DMD: variants seen among roughly 807,000 people sequenced by gnomAD.
DMD encodes mutant dystrophin.
Under a neutral mutation model 330.1 loss-of-function variants are expected in DMD, and 63 were observed. The observed-to-expected ratio is 0.19, with a 90% CI of 0.16 to 0.24. DMD has a LOEUF of 0.24. Among genes scored for constraint, DMD ranks in the 10% least tolerant of loss-of-function variants. The probability of loss-of-function intolerance (pLI) is 1.00; values close to 1 mark genes in which losing one functional copy is unlikely to be tolerated. For synonymous variants in DMD, 1,223 were observed against 959.8 expected, an observed-to-expected ratio of 1.27 and a Z score of -5.07; for missense variants, 3,344 against 2,684.1, an observed-to-expected ratio of 1.25 and a Z score of -5.43.
chrX:32,591,133 A>G (rs2054865535), intron 13 of DMD, among the ~76,000 whole-genome samples: 1 of 111,867 alleles, frequency 8.9e-6, no homozygotes, highest in Non-Finnish European at 1.9e-5. Context: ...TGCTGGGATT[A>G]CAGGTGTGAG....
rs72466597 is a variant in DMD at position 31,931,896 on chromosome X, A to G, written c.6762+184T>C. On this transcript the variant is annotated intron_variant, in intron 46 of 78. Coordinates refer to ENST00000357033, the MANE Select transcript of DMD (RefSeq NM_004006.3). ...TAAATACACACACACACATATATAC[A>G]TATGTTCTTATGTGCACTGGTTCAG... Among the ~76,000 whole-genome samples the G allele has an allele frequency of 0.043, 4,747 of 111,167 alleles. 234 individuals carry two copies. Among genetic ancestry groups the G allele is most frequent in the African/African-American group, 0.14 (4,276 of 30,480 alleles).
chrX:32,666,938 A>T (rs61133134), intron 9 of DMD, among the ~76,000 whole-genome samples: 15,416 of 110,675 alleles, frequency 0.14, 1,470 homozygotes, highest in African/African-American at 0.34. Flanking sequence ...ACAAAGGAAA[A>T]AATAACACAA....
At chrX:32,494,254 T>C (rs1181162738) in intron 19 of DMD, among the ~76,000 whole-genome samples, 1 of 111,452 alleles carries the variant, frequency 9.0e-6, no homozygotes, top group Non-Finnish European at 1.9e-5. Flanking sequence ...ATTTAAATGG[T>C]GAAGAAAAGT....
At chrX:31,612,618 G>A (rs187299109) in intron 55 of DMD, among the ~76,000 whole-genome samples, 1 of 111,838 alleles carries the variant, frequency 8.9e-6, no homozygotes, top group Admixed American at 9.5e-5. Context: ...GCTCAGATTA[G>A]TAGGGCTATG....
chrX:31,860,025 T>C (rs190406656), intron 48 of DMD, among the ~76,000 whole-genome samples: 89 of 111,363 alleles, frequency 8.0e-4, no homozygotes, highest in Non-Finnish European at 1.1e-3. Context: ...ATTGGAAGTG[T>C]TCCCATTTTT....
chrX:31,679,421 C>T lies in DMD; in HGVS notation c.7826G>A (p.Gly2609Asp), dbSNP rs1060502649. Residue 2609 changes from glycine to aspartate, a missense_variant, in exon 53 of 79, where the codon GGT becomes GAT. Gly to Asp is a moderately conservative substitution (Grantham distance 94). Coordinates refer to ENST00000357033, the MANE Select transcript of DMD (RefSeq NM_004006.3). ...ARAKLESWKE[G>D]PYTVDAIQKK... ...TTGGATTGCATCTACTGTATAGGGA[C>T]CCTCCTTCCATGACTCAAGCTTGGC... 1.7e-6 allele frequency: 2 copies of T among 1,210,786 alleles called. No individual in the cohort carries two copies. The highest frequency in any genetic ancestry group is 2.2e-6 in the Non-Finnish European group (2 of 895,094).
At chrX:32,728,895 G>C (rs867908348) in intron 7 of DMD, among the ~76,000 whole-genome samples, 6 of 111,435 alleles carry the variant, frequency 5.4e-5, no homozygotes, top group African/African-American at 2.0e-4. Flanking sequence ...TTTCCATCTT[G>C]CCATGCCAAA....
intron 61 of DMD, among the ~76,000 whole-genome samples, chrX:31,327,851 G>A (rs940916386): frequency 3.6e-5 from 4 of 112,185 alleles, no homozygotes; most frequent in African/African-American, 6.5e-5. Context: ...CTGTATCAAC[G>A]ATTTGTTTCT....
intron 9 of DMD, among the ~76,000 whole-genome samples, chrX:32,696,824 A>T (rs1231145783): frequency 9.0e-6 from 1 of 111,386 alleles, no homozygotes; most frequent in Non-Finnish European, 1.9e-5. Flanking sequence ...GAGAGTCAAG[A>T]GGTCCAGAAT....
intron 2 of DMD, among the ~76,000 whole-genome samples, chrX:32,870,971 A>AG (rs2082918863): frequency 2.8e-5 from 2 of 71,899 alleles, no homozygotes; most frequent in Non-Finnish European, 2.7e-5. Context: ...AAAAAAAAAA[A>AG]AAAAAAAAAA....
chrX:31,748,065 G>T (rs1277019492), intron 51 of DMD, among the ~76,000 whole-genome samples: 1 of 111,507 alleles, frequency 9.0e-6, no homozygotes, highest in African/African-American at 3.3e-5. Context: ...CAACACTATT[G>T]GGTGGTTCCA....
At position 31,332,761 on chromosome X, in the gene DMD, G is replaced by T. The variant is rs981508715; in HGVS notation, c.9164-9103C>A. Among the ~76,000 whole-genome samples the T allele has an allele frequency of 2.7e-5, 3 of 112,139 alleles. No individual in the cohort carries two copies. The South Asian group carries it at 1.1e-3, about 42-fold the overall frequency. On this transcript the variant is annotated intron_variant, in intron 61 of 78. Coordinates refer to ENST00000357033, the MANE Select transcript of DMD (RefSeq NM_004006.3). ...AAAGGTTGGTGTGAGGATTAAACGGGTTAATCTATGCAAAATGCTTCCTCT... is the reference window on the plus strand; with the variant it reads ...AAAGGTTGGTGTGAGGATTAAACGGTTTAATCTATGCAAAATGCTTCCTCT...
chrX:31,504,848 T>C (rs2070770015), intron 56 of DMD, among the ~76,000 whole-genome samples: 1 of 112,200 alleles, frequency 8.9e-6, no homozygotes, highest in East Asian at 2.8e-4. Context: ...CATAGGCCTA[T>C]ATAAAAGCCA....
At chrX:31,244,247 C>T (rs10521965) in intron 63 of DMD, among the ~76,000 whole-genome samples, 37,335 of 110,916 alleles carry the variant, frequency 0.34, 4,666 homozygotes, top group Non-Finnish European at 0.37. Flanking sequence ...CACCTTGACA[C>T]CATACATATT....
At chrX:32,683,061 C>A (rs2062553712) in intron 9 of DMD, among the ~76,000 whole-genome samples, 1 of 111,426 alleles carries the variant, frequency 9.0e-6, no homozygotes, top group Non-Finnish European at 1.9e-5. Flanking sequence ...GTTTAGATGG[C>A]ACTTAATAAA....
At chrX:32,116,672 A>G (rs2096612209) in intron 44 of DMD, among the ~76,000 whole-genome samples, 1 of 112,375 alleles carries the variant, frequency 8.9e-6, no homozygotes, top group Non-Finnish European at 1.9e-5. Context: ...ACTGTTTTAA[A>G]TCCTCCTTTA....
chrX:32,823,227 G>T, intron 5 of DMD, 68 bp downstream of exon 5: 1 of 910,624 alleles, frequency 1.1e-6, no homozygotes. Flanking sequence ...TGTTTCACAC[G>T]TCAAGGGTAA....
chrX:31,169,342 T>G (rs1194275119), intron 74 of DMD, 101 bp downstream of exon 74: 1 of 607,396 alleles, frequency 1.6e-6, no homozygotes, highest in Non-Finnish European at 2.7e-6. Flanking sequence ...TAGAAAACAA[T>G]TAGACATAAA....
At chrX:31,621,848 A>G (rs927311796) in intron 55 of DMD, among the ~76,000 whole-genome samples, 4 of 111,799 alleles carry the variant, frequency 3.6e-5, no homozygotes, top group African/African-American at 6.5e-5. Flanking sequence ...CACACTGACT[A>G]AGCCTTTGGA....
Sources: gnomAD v4.1 joint callset for allele counts (sites outside exome capture counted in the v4.1 genomes callset) on GRCh38, gnomAD v4.1.1 for gene constraint, MANE v1.5 for transcripts, NCBI Gene and HGNC (gene_info 2026-07-23, HGNC 2026-07-21) for gene names.